Variants in BANK1 observed in about 807,000 individuals in gnomAD.
BANK1 encodes the protein B-cell scaffold protein with ankyrin repeats.
In BANK1, 95 loss-of-function variants were observed where a neutral mutation model predicts 94.5. The observed-to-expected ratio is 1.00, with a 90% CI of 0.85 to 1.19. The LOEUF is 1.19. Ranked by LOEUF, BANK1 falls within the 50% of genes most tolerant of loss-of-function variation. The pLI, the probability that BANK1 is intolerant of heterozygous loss-of-function variation, is 0.00. For missense variants in BANK1, 987 were observed against 932.2 expected (o/e 1.06, Z -0.77); for synonymous variants, 334 against 308.4 (o/e 1.08, Z -0.87).
rs777623135 is a variant in BANK1, at chr4:101,895,341, A to G, written c.940A>G (p.Ile314Val). 29 of 1,595,420 alleles carry G rather than the reference A, an allele frequency of 1.8e-5. No individual in the cohort carries two copies. Among genetic ancestry groups the G allele is most frequent in the Admixed American group, 5.2e-5 (3 of 57,194 alleles). Residue 314 changes from isoleucine (I) to valine (V), a missense_variant, in exon 6 of 17, where the codon ATA becomes GTA. Ile to Val is a conservative substitution (Grantham distance 29). Coordinates refer to ENST00000322953, the MANE Select transcript of BANK1 (RefSeq NM_017935.5). ...AGAACTTGATGGTGTCCTTACATCC[A>G]TATTCAAACATGAGATACCATATTA... is the stretch of plus-strand genomic sequence containing the variant. ...IEELDGVLTSIFKHEIPYYEF... is the reference protein window; with the variant it reads ...IEELDGVLTSVFKHEIPYYEF...
chr4:101,992,172 T>A (rs1044159351), intron 7 of BANK1, among the ~76,000 whole-genome samples: 12 of 152,162 alleles, frequency 7.9e-5, no homozygotes, highest in African/African-American at 2.7e-4. Flanking sequence ...TGTGCTTTTC[T>A]TACTGAACCA....
At chr4:102,056,045 C>T (rs1293294841) in intron 11 of BANK1, among the ~76,000 whole-genome samples, 1 of 152,020 alleles carries the variant, frequency 6.6e-6, no homozygotes, top group African/African-American at 2.4e-5. Flanking sequence ...GTTATAATGA[C>T]ACAAGAATCA....
chr4:101,940,848 G>A (rs1018129882), intron 7 of BANK1, among the ~76,000 whole-genome samples: 5 of 151,618 alleles, frequency 3.3e-5, no homozygotes, highest in Non-Finnish European at 7.4e-5. Flanking sequence ...TGTTTGTCAC[G>A]TTTCTCCACT....
At chr4:101,971,234 G>A (rs1724941690) in intron 7 of BANK1, among the ~76,000 whole-genome samples, 1 of 152,046 alleles carries the variant, frequency 6.6e-6, no homozygotes, top group Non-Finnish European at 1.5e-5. Context: ...AACTCCAGGG[G>A]ATACTGAGGT....
intron 15 of BANK1, among the ~76,000 whole-genome samples, 187 bp from the exon 16 acceptor site, chr4:102,073,497 G>A (rs569999560): frequency 2.0e-5 from 3 of 152,070 alleles, no homozygotes; most frequent in East Asian, 1.9e-4. Context: ...TCAAGGACTC[G>A]GATGCAGTTG....
At chr4:101,791,056 G>A (rs1174428301) in intron 1 of BANK1, 106 bp downstream of exon 1, 2 of 918,106 alleles carry the variant, frequency 2.2e-6, no homozygotes, top group Admixed American at 6.5e-5. Flanking sequence ...ACTGAGGCCA[G>A]GGCGTCCCTG....
intron 1 of BANK1, among the ~76,000 whole-genome samples, chr4:101,812,912 A>C (rs1029102535): frequency 1.3e-5 from 2 of 152,104 alleles, no homozygotes; most frequent in African/African-American, 4.8e-5. Flanking sequence ...TAGTGCCTAA[A>C]TTCTGAACTG....
intron 7 of BANK1, among the ~76,000 whole-genome samples, chr4:102,018,941 C>T (rs1335721777): frequency 2.6e-5 from 4 of 151,842 alleles, no homozygotes; most frequent in African/African-American, 9.7e-5. Flanking sequence ...CCTCAGCCTC[C>T]CGAGTAGCTG....
At chr4:101,936,467 GAT>G (rs1266610132) in intron 7 of BANK1, among the ~76,000 whole-genome samples, 3 of 149,872 alleles carry the variant, frequency 2.0e-5, no homozygotes, top group Non-Finnish European at 3.0e-5. Context: ...TTATATGTAT[GAT>G]ATATACACAT....
Position 102,043,911 on chromosome 4 carries a change from C to CTA in BANK1, c.1969+5_1969+6dup. 6.5e-7 allele frequency: 1 copy of CTA among 1,533,968 alleles called. No individual in the cohort carries two copies. Among genetic ancestry groups the CTA allele is most frequent in the Non-Finnish European group, 9.0e-7 (1 of 1,110,730 alleles). On this transcript the variant is annotated splice_donor_region_variant and intron_variant, in intron 11 of 16. Transcript: ENST00000322953. ...TGTGGTCTTCCTAAGAAACAAGGTA[C>CTA]TAACACTAACTTCAATCTATTTAGT...
chr4:101,991,819 G>C (rs969825160), intron 7 of BANK1, among the ~76,000 whole-genome samples: 4 of 152,178 alleles, frequency 2.6e-5, no homozygotes. Flanking sequence ...GTACACATAC[G>C]TGTGTATTTG....
At chr4:101,836,284 A>G (rs1726823336) in intron 2 of BANK1, among the ~76,000 whole-genome samples, 1 of 152,092 alleles carries the variant, frequency 6.6e-6, no homozygotes, top group South Asian at 2.1e-4. Flanking sequence ...AGTCGAGACC[A>G]GGCTGGCCAA....
chr4:102,071,091 G>A (rs1206305426), intron 13 of BANK1, among the ~76,000 whole-genome samples, 184 bp from the exon 14 acceptor site: 1 of 152,092 alleles, frequency 6.6e-6, no homozygotes, highest in Non-Finnish European at 1.5e-5. Flanking sequence ...GTAATAAAAG[G>A]CATGGTTTCA....
chr4:101,978,148 TAAAAAA>T (rs201330510), intron 7 of BANK1, among the ~76,000 whole-genome samples: 1 of 145,416 alleles, frequency 6.9e-6, no homozygotes, highest in African/African-American at 2.5e-5. Context: ...AGTAGGTACT[TAAAAAA>T]AAAAAGAAAA....
chr4:101,806,389 AATAGG>A lies in BANK1; in HGVS notation c.70+15444_70+15448del, dbSNP rs1314561263. 1.5e-4 allele frequency among the ~76,000 whole-genome samples: 23 copies of A among 152,218 alleles called. No homozygotes were observed. The South Asian group carries it at 1.7e-3, about 11-fold the overall frequency. On this transcript the variant is annotated intron_variant, in intron 1 of 16. Transcript: ENST00000322953. ...TAAGATCCTTGATGACTTATTGAAT[AATAGG>A]ATAGATCATCCTCCATATAAGACGA...
chr4:101,798,880 G>A (rs1409911008), intron 1 of BANK1, among the ~76,000 whole-genome samples: 2 of 152,180 alleles, frequency 1.3e-5, no homozygotes, highest in Non-Finnish European at 2.9e-5. Flanking sequence ...CAGATGGGTA[G>A]ATTGTAAAAC....
intron 6 of BANK1, among the ~76,000 whole-genome samples, chr4:101,909,127 G>T (rs1430484125): frequency 2.6e-5 from 4 of 151,488 alleles, no homozygotes; most frequent in African/African-American, 9.7e-5. Flanking sequence ...TTGCAGCAAA[G>T]ACTTGGAACC....
At chr4:102,030,432 G>A (rs1411901236) in intron 10 of BANK1, among the ~76,000 whole-genome samples, 167 bp downstream of exon 10, 1 of 151,608 alleles carries the variant, frequency 6.6e-6, no homozygotes, top group Non-Finnish European at 1.5e-5. Flanking sequence ...TCCACTAAGA[G>A]TATTTTTTTA....
intron 10 of BANK1, among the ~76,000 whole-genome samples, chr4:102,032,708 C>T (rs924557003): frequency 2.6e-5 from 4 of 151,914 alleles, no homozygotes; most frequent in African/African-American, 9.7e-5. Flanking sequence ...CATGATGAAA[C>T]CCCGTCTCTA....
Sources: allele counts gnomAD v4.1 joint callset (sites outside exome capture counted in the v4.1 genomes callset), GRCh38; gene constraint gnomAD v4.1.1; transcripts MANE v1.5; gene names NCBI Gene and HGNC (gene_info 2026-07-23, HGNC 2026-07-21).